Variants in ASTN2 observed in about 807,000 individuals in gnomAD.
The protein encoded by ASTN2 is astrotactin 2.
In ASTN2, 54 loss-of-function variants were observed where a neutral mutation model predicts 139.8. That is an observed-to-expected ratio of 0.39 (90% CI 0.31 to 0.48). The LOEUF is 0.48. Ranked by LOEUF, ASTN2 falls within the 20% of genes least tolerant of loss-of-function variation. ASTN2 has a pLI of 0.95. For synonymous variants in ASTN2, 756 were observed against 719.5 expected, an observed-to-expected ratio of 1.05 and a Z score of -0.81; for missense variants, 1,565 against 1,725.1, an observed-to-expected ratio of 0.91 and a Z score of 1.64.
intron 7 of ASTN2, among the ~76,000 whole-genome samples, chr9:116,999,536 CTTTCTCTCTTTCTTTTT>C (rs1837125977): frequency 1.7e-5 from 2 of 119,552 alleles, no homozygotes; most frequent in African/African-American, 6.6e-5. Flanking sequence ...CTCTTTCTTT[CTTTCTCTCTTTCTTTTT>C]TTTTTTTTTT....
At chr9:117,113,706 T>A (rs1167013571) in intron 4 of ASTN2, among the ~76,000 whole-genome samples, 6 of 151,744 alleles carry the variant, frequency 4.0e-5, no homozygotes, top group African/African-American at 1.4e-4. Context: ...CTGACAGGTG[T>A]AAATAAAGGA....
chr9:116,849,202 G>A (rs1832522784), intron 11 of ASTN2, among the ~76,000 whole-genome samples: 1 of 152,160 alleles, frequency 6.6e-6, no homozygotes. Flanking sequence ...CTTGAACCTA[G>A]TCCTTTTGGA....
At chr9:116,683,343 GAT>G (rs1699855527) in intron 16 of ASTN2, among the ~76,000 whole-genome samples, 1 of 152,078 alleles carries the variant, frequency 6.6e-6, no homozygotes, top group Non-Finnish European at 1.5e-5. Context: ...CTATAATTCT[GAT>G]ATGATTTAGA....
intron 4 of ASTN2, among the ~76,000 whole-genome samples, chr9:117,099,016 A>T (rs1448263167): frequency 6.6e-6 from 1 of 151,042 alleles, no homozygotes; most frequent in Non-Finnish European, 1.5e-5. Flanking sequence ...CTGAGGCAGG[A>T]GAATTGCTTG....
intron 10 of ASTN2, among the ~76,000 whole-genome samples, chr9:116,888,857 C>T (rs1182960238): frequency 6.6e-6 from 1 of 152,172 alleles, no homozygotes; most frequent in Non-Finnish European, 1.5e-5. Context: ...TCCCTCCCCA[C>T]AATCCCCCCT....
At chr9:116,738,923 GTGGAGTCTGCTTTC>G (rs1564241741) in intron 13 of ASTN2, among the ~76,000 whole-genome samples, 6 of 152,196 alleles carry the variant, frequency 3.9e-5, no homozygotes, top group Non-Finnish European at 7.3e-5. Flanking sequence ...CACCACCACA[GTGGAGTCTGCTTTC>G]AAGAAAGCAT....
At chr9:117,274,468 TA>T (rs1420440151) in intron 2 of ASTN2, among the ~76,000 whole-genome samples, 1 of 152,230 alleles carries the variant, frequency 6.6e-6, no homozygotes, top group Non-Finnish European at 1.5e-5. Flanking sequence ...CTACCAGTAA[TA>T]ATAATCACAG....
At position 116,698,174 on chromosome 9, in the gene ASTN2, G is replaced by A; in HGVS notation, c.2806+27597C>T. The A allele has an allele frequency of 6.2e-7, 1 of 1,614,190 alleles. No homozygotes were observed. Among genetic ancestry groups the A allele is most frequent in the South Asian group, 1.1e-5 (1 of 91,088 alleles). On this transcript the variant is annotated intron_variant, in intron 16 of 22. Coordinates refer to ENST00000313400, the MANE Select transcript of ASTN2 (RefSeq NM_001365068.1). The surrounding 1 kb of genome is among the most constrained non-coding windows in gnomAD (Gnocchi z 4.4). Reference sequence around the variant, plus strand: ...TCCCTGTCAAAGAAGCAGCTGAGGAGCGGCGTCGGGACTTTGGAGAGAAGT... The same window carrying A: ...TCCCTGTCAAAGAAGCAGCTGAGGAACGGCGTCGGGACTTTGGAGAGAAGT...
chr9:116,584,870 G>C (rs1854085950), intron 19 of ASTN2: 1 of 152,212 alleles, frequency 6.6e-6, no homozygotes, highest in African/African-American at 2.4e-5. Flanking sequence ...AAATGTTAAA[G>C]AGAAAGCAAG....
chr9:116,852,527 T>G (rs1832634373), intron 11 of ASTN2, among the ~76,000 whole-genome samples: 1 of 152,198 alleles, frequency 6.6e-6, no homozygotes, highest in Non-Finnish European at 1.5e-5. Context: ...GAGTGTTTGA[T>G]GAAACCTTCT....
chr9:117,090,354 C>G (rs1030835617), intron 5 of ASTN2, among the ~76,000 whole-genome samples: 1 of 152,156 alleles, frequency 6.6e-6, no homozygotes, highest in Non-Finnish European at 1.5e-5. Flanking sequence ...ATCCCTTTGC[C>G]TTTTTCTCCT....
chr9:117,179,267 A>G (rs1244792708), intron 3 of ASTN2, among the ~76,000 whole-genome samples: 1 of 152,190 alleles, frequency 6.6e-6, no homozygotes, highest in Admixed American at 6.5e-5. Flanking sequence ...GTATGCATAC[A>G]TGTATATAAA....
chr9:116,528,363 GA>G (rs1851183453), intron 19 of ASTN2, among the ~76,000 whole-genome samples: 1 of 152,160 alleles, frequency 6.6e-6, no homozygotes, highest in South Asian at 2.1e-4. Flanking sequence ...TTATCTGGCA[GA>G]AAAAATTTCT....
chr9:117,125,192 C>A (rs1166436302), intron 4 of ASTN2, among the ~76,000 whole-genome samples: 1 of 152,064 alleles, frequency 6.6e-6, no homozygotes, highest in African/African-American at 2.4e-5. Context: ...CTTCAAACAC[C>A]CTTTGTCTCC....
At chr9:117,104,995 C>T (rs1564427610) in intron 4 of ASTN2, among the ~76,000 whole-genome samples, 1 of 152,116 alleles carries the variant, frequency 6.6e-6, no homozygotes. Flanking sequence ...GCTTAACTCA[C>T]TCTTCCAGGG....
chr9:116,615,349 A>G (rs1189373479), intron 19 of ASTN2, among the ~76,000 whole-genome samples: 1 of 152,182 alleles, frequency 6.6e-6, no homozygotes, highest in Non-Finnish European at 1.5e-5. Context: ...TAGAAATACC[A>G]TTTGACCCAG....
rs1455986022 is a variant in ASTN2 at position 116,499,583 on chromosome 9, C to T, written c.3356-12083G>A. Among the ~76,000 whole-genome samples the T allele has an allele frequency of 2.0e-5, 3 of 152,128 alleles. No individual in the cohort carries two copies. The East Asian group carries it at 5.8e-4, about 29-fold the overall frequency. On this transcript the variant is annotated intron_variant, in intron 19 of 22. Transcript: ENST00000313400. Reference sequence around the variant, plus strand: ...GTAGTTGTCTTCCTCCCCTCATGCACTGGGAGGATTATGGTAAGGTACCTG... The same window carrying T: ...GTAGTTGTCTTCCTCCCCTCATGCATTGGGAGGATTATGGTAAGGTACCTG...
chr9:116,824,330 G>T (rs964618830), intron 11 of ASTN2, among the ~76,000 whole-genome samples: 7 of 152,124 alleles, frequency 4.6e-5, no homozygotes, highest in Non-Finnish European at 7.3e-5. Context: ...AGAAGAGGAG[G>T]TATGTGGCTT....
At chr9:117,246,055 A>T (rs1380086461) in intron 2 of ASTN2, among the ~76,000 whole-genome samples, 1 of 152,212 alleles carries the variant, frequency 6.6e-6, no homozygotes, top group African/African-American at 2.4e-5. Context: ...AGTGCATGGC[A>T]CAGACAAGAC....
Sources: gnomAD v4.1 joint callset for allele counts (sites outside exome capture counted in the v4.1 genomes callset) on GRCh38, gnomAD v4.1.1 for gene constraint, Gnocchi (gnomAD v3.1) non-coding constraint, MANE v1.5 for transcripts, NCBI Gene and HGNC (gene_info 2026-07-23, HGNC 2026-07-21) for gene names.